Variants in PALM2AKAP2 observed in about 807,000 individuals in gnomAD.
PALM2AKAP2 encodes PALM2-AKAP2 fusion protein.
Under a neutral mutation model 71.5 loss-of-function variants are expected in PALM2AKAP2, and 37 were observed. The observed-to-expected ratio is 0.52, with a 90% CI of 0.40 to 0.68. The LOEUF (loss-of-function observed/expected upper bound fraction) is 0.68, where lower values mean the gene tolerates loss of function less well. Ranked by LOEUF, PALM2AKAP2 falls within the 30% of genes least tolerant of loss-of-function variation. The pLI, the probability that PALM2AKAP2 is intolerant of heterozygous loss-of-function variation, is 0.00. For synonymous variants in PALM2AKAP2, 468 were observed against 478.8 expected (o/e 0.98, Z 0.29); for missense variants, 1,224 against 1,191.8 (o/e 1.03, Z -0.40).
intron 2 of PALM2AKAP2, among the ~76,000 whole-genome samples, chr9:109,873,442 AAAAATAAAATAAAAT>A (rs58267168): frequency 0.15 from 21,260 of 142,902 alleles, 1,720 homozygotes; most frequent in East Asian, 0.22. Context: ...TCTCAAATTA[AAAAATAAAATAAAAT>A]AAAATAAAAT....
At chr9:109,924,290 A>G (rs192055388) in intron 4 of PALM2AKAP2, among the ~76,000 whole-genome samples, 41 of 152,342 alleles carry the variant, frequency 2.7e-4, no homozygotes, top group African/African-American at 9.6e-4. Context: ...TTCCAAATAC[A>G]AAGAGTGTAA....
rs1832445332 is a variant in PALM2AKAP2 at position 109,989,979 on chromosome 9, C to T, written c.497-25975C>T. Among the ~76,000 whole-genome samples the T allele has an allele frequency of 4.6e-5, 7 of 152,228 alleles. No individual in the cohort carries two copies. The South Asian group carries it at 1.5e-3, about 32-fold the overall frequency. ...TAGTTACTTCCTAAATTCTTATATC[C>T]AGAATGGAAATAATTTCGGGAATAA... On this transcript the variant is annotated intron_variant, in intron 6 of 9. Coordinates refer to the PALM2AKAP2 transcript ENST00000302798.
At chr9:109,943,468 C>T (rs1229446887) in intron 6 of PALM2AKAP2, 1 of 1,554,198 alleles carries the variant, frequency 6.4e-7, no homozygotes, top group African/African-American at 1.4e-5. Context: ...CTGTACTCTC[C>T]ACCACTCACG....
chr9:110,156,333 G>C (rs1183676229), exon 3 of PALM2AKAP2: 7 of 1,584,896 alleles, frequency 4.4e-6, no homozygotes, highest in Non-Finnish European at 6.0e-6. Context: ...AATAGAGAAA[G>C]TCAAACCTCC....
chr9:109,876,800 T>C (rs985890855), intron 2 of PALM2AKAP2, among the ~76,000 whole-genome samples: 1 of 152,138 alleles, frequency 6.6e-6, no homozygotes, highest in Non-Finnish European at 1.5e-5. Context: ...CTTTGTCTGT[T>C]GGAGCCTCTC....
At chr9:110,140,608 C>T (rs1002051964) in intron 2 of PALM2AKAP2, among the ~76,000 whole-genome samples, 1 of 150,374 alleles carries the variant, frequency 6.7e-6, no homozygotes, top group South Asian at 2.1e-4. Context: ...TCTCCCTTTC[C>T]ATATTTGTGA....
At position 110,149,179 on chromosome 9, in the gene PALM2AKAP2, T is replaced by C. The variant is rs567610623; in HGVS notation, c.2570-7140T>C. On this transcript the variant is annotated intron_variant, in intron 2 of 3. Transcript: ENST00000374525. ...ATAAACAGGAAACACCAATTTATGCTTTCCCACTCATGATGGGACTAAACT... is the reference window on the plus strand; with the variant it reads ...ATAAACAGGAAACACCAATTTATGCCTTCCCACTCATGATGGGACTAAACT... Among the ~76,000 whole-genome samples the C allele has an allele frequency of 2.6e-5, 4 of 152,380 alleles. No individual in the cohort carries two copies. In the South Asian group the frequency reaches 6.2e-4, roughly 24 times the overall value.
At chr9:109,912,704 T>TTAGA (rs139656396) in intron 3 of PALM2AKAP2, among the ~76,000 whole-genome samples, 89 of 151,910 alleles carry the variant, frequency 5.9e-4, no homozygotes, top group Middle Eastern at 3.4e-3. Context: ...GAGAGCTAGA[T>TTAGA]TAGATAGATA....
intron 6 of PALM2AKAP2, among the ~76,000 whole-genome samples, chr9:109,951,560 C>T (rs2046500716): frequency 6.6e-6 from 1 of 152,208 alleles, no homozygotes; most frequent in Admixed American, 6.5e-5. Context: ...GGAGCACCTT[C>T]CGCTGTTCAC....
chr9:109,947,662 A>G (rs981304195), intron 6 of PALM2AKAP2, among the ~76,000 whole-genome samples: 1 of 152,192 alleles, frequency 6.6e-6, no homozygotes, highest in African/African-American at 2.4e-5. Context: ...GAAATCTAGA[A>G]GCTCAGTCAT....
At chr9:109,800,244 G>T (rs1164916029) in intron 1 of PALM2AKAP2, among the ~76,000 whole-genome samples, 1 of 152,146 alleles carries the variant, frequency 6.6e-6, no homozygotes, top group East Asian at 1.9e-4. Flanking sequence ...ACTAATTTTA[G>T]GGCCAAAGAA....
intron 5 of PALM2AKAP2, among the ~76,000 whole-genome samples, chr9:109,925,886 AT>A (rs1020416234): frequency 6.6e-6 from 1 of 152,048 alleles, no homozygotes; most frequent in African/African-American, 2.4e-5. Context: ...AAGACCAGAT[AT>A]TGTCTGCTCC....
intron 6 of PALM2AKAP2, chr9:109,946,071 A>C (rs1831497619): frequency 6.6e-6 from 1 of 152,180 alleles, no homozygotes; most frequent in African/African-American, 2.4e-5. Flanking sequence ...TGGCGCATAT[A>C]TTTGCATATG....
chr9:109,738,784 A>G (rs1828675349), intron 1 of PALM2AKAP2, among the ~76,000 whole-genome samples: 1 of 152,242 alleles, frequency 6.6e-6, no homozygotes, highest in African/African-American at 2.4e-5. Flanking sequence ...AGTAAGCCCA[A>G]AAACTGGGAT....
At chr9:110,000,194 G>T (rs1832657549) in intron 6 of PALM2AKAP2, among the ~76,000 whole-genome samples, 1 of 141,572 alleles carries the variant, frequency 7.1e-6, no homozygotes, top group Admixed American at 7.5e-5. Context: ...CCCGGTGTGT[G>T]ATGTTCCCCT....
chr9:109,914,514 A>G (rs1271615966), intron 3 of PALM2AKAP2, among the ~76,000 whole-genome samples: 1 of 152,168 alleles, frequency 6.6e-6, no homozygotes, highest in African/African-American at 2.4e-5. Context: ...TGAATTCATA[A>G]ACATGTGGGC....
upstream of PALM2AKAP2, chr9:109,780,293 G>C: frequency 6.5e-6 from 8 of 1,237,504 alleles, no homozygotes; most frequent in Non-Finnish European, 8.1e-6. Flanking sequence ...CGGGAGGGCG[G>C]GGGCCAGAGG....
chr9:110,113,114 G>A (rs541847559), intron 1 of PALM2AKAP2, among the ~76,000 whole-genome samples: 4 of 152,320 alleles, frequency 2.6e-5, no homozygotes, highest in Admixed American at 6.5e-5. Flanking sequence ...CTGGGCAGTC[G>A]ATAAGCCTGC....
intron 3 of PALM2AKAP2, 115 bp downstream of exon 3, chr9:109,880,796 TCTTCCTAA>T: frequency 7.1e-7 from 1 of 1,405,198 alleles, no homozygotes; most frequent in South Asian, 1.7e-5. Context: ...TTGAGAATTT[TCTTCCTAA>T]ACAAAGCACA....
Sources: allele counts gnomAD v4.1 joint callset (sites outside exome capture counted in the v4.1 genomes callset), GRCh38; gene constraint gnomAD v4.1.1; transcripts MANE v1.5; gene names NCBI Gene and HGNC (gene_info 2026-07-23, HGNC 2026-07-21).